The following NSD2 variants were observed in gnomAD, a reference collection of about 807,000 sequenced individuals.
The protein encoded by NSD2 is nuclear receptor binding SET domain protein 2, also known as histone-lysine N-methyltransferase NSD2.
A neutral mutation model predicts 139.0 loss-of-function variants in NSD2; 12 were observed. The ratio of observed to expected loss-of-function variants is 0.09; its 90% CI spans 0.06 to 0.14. The LOEUF (loss-of-function observed/expected upper bound fraction) is 0.14, where lower values mean the gene tolerates loss of function less well. Among genes scored for constraint, NSD2 ranks in the 10% least tolerant of loss-of-function variants. The pLI, the probability that NSD2 is intolerant of heterozygous loss-of-function variation, is 1.00. For missense variants in NSD2, 1,155 were observed against 1,745.0 expected, an observed-to-expected ratio of 0.66 and a Z score of 6.02; for synonymous variants, 669 against 648.7, an observed-to-expected ratio of 1.03 and a Z score of -0.48.
intron 3 of NSD2, among the ~76,000 whole-genome samples, chr4:1,911,374 G>A (rs1356582582): frequency 5.9e-5 from 9 of 152,000 alleles, no homozygotes; most frequent in Admixed American, 1.3e-4. Context: ...GGTGACTTGA[G>A]GTCAGGAGTT....
chr4:1,972,875 C>T lies in NSD2; in HGVS notation c.3373-1988C>T, dbSNP rs902639507. Among the ~76,000 whole-genome samples the T allele has an allele frequency of 5.3e-5, 8 of 151,964 alleles. No individual in the cohort carries two copies. The highest frequency in any genetic ancestry group is 2.1e-4 in the South Asian group (1 of 4,826). ...ACACATTTTTTTTTCTTTTTGGAGACGGAGTCTCACTCTGTCGCCTAGGCT... is the reference window on the plus strand; with the variant it reads ...ACACATTTTTTTTTCTTTTTGGAGATGGAGTCTCACTCTGTCGCCTAGGCT... On this transcript the variant is annotated intron_variant, in intron 18 of 21. Coordinates refer to ENST00000508803, the MANE Select transcript of NSD2 (RefSeq NM_001042424.3). The surrounding 1 kb of genome is among the most constrained non-coding windows in gnomAD (Gnocchi z 4.0).
rs1301424413 is a variant in NSD2, at chr4:1,948,280, T to C, written c.1882-2792T>C. The C allele has an allele frequency of 7.5e-6, 8 of 1,065,464 alleles. No homozygotes were observed. In the African/African-American group the frequency reaches 9.8e-5, roughly 13 times the overall value. 66.0% of individuals were successfully genotyped at this position (1,065,464 alleles called of 1,614,324 possible). On this transcript the variant is annotated intron_variant, in intron 9 of 21. Transcript: ENST00000508803. The surrounding 1 kb of genome is among the most constrained non-coding windows in gnomAD (Gnocchi z 4.5). ...GTCCGCTCAGTCCCTGCACTTTTCC[T>C]TTCCAAATGCATCTCGTTGGATATG...
chr4:1,916,583 C>G (rs1033453979), intron 3 of NSD2, among the ~76,000 whole-genome samples: 1 of 152,216 alleles, frequency 6.6e-6, no homozygotes, highest in African/African-American at 2.4e-5. Flanking sequence ...TGAGCTCAAT[C>G]TCCCTGCCTC....
intron 1 of NSD2, among the ~76,000 whole-genome samples, chr4:1,885,110 CA>C (rs962763111): frequency 1.0e-3 from 138 of 134,138 alleles, no homozygotes; most frequent in African/African-American, 2.0e-3. Context: ...AACTCTGTTT[CA>C]AAAAAAAAAA....
chr4:1,905,407 C>T (rs964520947), intron 3 of NSD2, among the ~76,000 whole-genome samples: 1 of 152,222 alleles, frequency 6.6e-6, no homozygotes, highest in Non-Finnish European at 1.5e-5. Context: ...TGCTCCAGTC[C>T]AATATTGCTG....
intron 7 of NSD2, among the ~76,000 whole-genome samples, chr4:1,937,421 G>C (rs1247443083): frequency 2.0e-5 from 3 of 152,116 alleles, no homozygotes; most frequent in Non-Finnish European, 2.9e-5. Flanking sequence ...TGAAATATTT[G>C]TGTAAATGTT....
chr4:1,871,640 C>T (rs1306219887), intron 1 of NSD2, 98 bp downstream of exon 1: 3 of 149,454 alleles, frequency 2.0e-5, no homozygotes, highest in African/African-American at 4.9e-5. Flanking sequence ...GCGGGGAGGA[C>T]CGCGGAGGCC....
intron 7 of NSD2, among the ~76,000 whole-genome samples, chr4:1,937,746 T>C (rs965915825): frequency 6.6e-6 from 1 of 151,960 alleles, no homozygotes; most frequent in Non-Finnish European, 1.5e-5. Context: ...TGAGATGGAG[T>C]ATGAGTGCAG....
chr4:1,955,309 C>T lies in NSD2; in HGVS notation c.2487C>T (p.Val829=). The T allele has an allele frequency of 6.2e-7, 1 of 1,613,644 alleles. No individual in the cohort carries two copies. Among genetic ancestry groups the T allele is most frequent in the Non-Finnish European group, 8.5e-7 (1 of 1,179,848 alleles). The change falls in exon 13 of 22, where the codon GTC becomes GTT. Residue 829 remains valine (V), a synonymous_variant. Transcript: ENST00000508803. This position sits in a 1 kb window ranked among gnomAD's most constrained non-coding sequence, Gnocchi z 4.7. ...AGGGGAAGCGACACCACGCCCACGT[C>T]AACGTGAGCTGGTGCTTCGTGTGCT... ...ARKGKRHHAH[V]NVSWCFVCSK...
intron 5 of NSD2, among the ~76,000 whole-genome samples, chr4:1,925,377 T>C (rs1577455772): frequency 6.8e-6 from 1 of 147,020 alleles, no homozygotes; most frequent in South Asian, 2.1e-4. Context: ...AGAGGTCATT[T>C]TCTTTTTCTT....
chr4:1,943,782 CTCTGGTTCAATAA>C, intron 9 of NSD2: 1 of 1,060,988 alleles, frequency 9.4e-7, no homozygotes, highest in Non-Finnish European at 1.1e-6. Flanking sequence ...ATAAAAATGG[CTCTGGTTCAATAA>C]GCAGTCACCC....
intron 1 of NSD2, among the ~76,000 whole-genome samples, chr4:1,872,658 A>C: frequency 7.9e-6 from 1 of 127,066 alleles, no homozygotes; most frequent in African/African-American, 2.8e-5. Flanking sequence ...TGTGAAGACA[A>C]GACTAATTGG....
intron 5 of NSD2, among the ~76,000 whole-genome samples, chr4:1,927,528 G>A (rs1721074987): frequency 6.6e-6 from 1 of 151,922 alleles, no homozygotes; most frequent in Non-Finnish European, 1.5e-5. Flanking sequence ...GACCAGCCTG[G>A]CCCACATGGT....
chr4:1,934,571 C>T (rs1306967470), intron 6 of NSD2, among the ~76,000 whole-genome samples: 2 of 150,126 alleles, frequency 1.3e-5, no homozygotes, highest in Non-Finnish European at 3.0e-5. Flanking sequence ...ATTATAAGGC[C>T]AGGCGCGGTG....
At position 1,953,517 on chromosome 4, in the gene NSD2, G is replaced by A. The variant is rs917950554; in HGVS notation, c.2331G>A (p.Pro777=). ...CTTCCAACCCTTCAAACCCAAGGCC[G>A]TCAAAAGGTACAGGTGCACCTGCGC... The part of the protein sequence containing the change: ...CHASNPSNPR[P]SKGKMMRCVR... The change falls in exon 12 of 22, where the codon CCG becomes CCA. Residue 777 remains proline, a synonymous_variant. Coordinates refer to ENST00000508803, the MANE Select transcript of NSD2 (RefSeq NM_001042424.3). 18 of 1,608,776 alleles carry A rather than the reference G, an allele frequency of 1.1e-5. No individual in the cohort carries two copies. The Middle Eastern group carries it at 5.0e-4, about 44-fold the overall frequency.
intron 5 of NSD2, among the ~76,000 whole-genome samples, chr4:1,920,756 G>A (rs1311838016): frequency 6.6e-6 from 1 of 151,730 alleles, no homozygotes; most frequent in South Asian, 2.1e-4. Context: ...AAGAAAGGCC[G>A]AGTGTGGCAG....
At chr4:1,896,316 A>T (rs547243985) in intron 1 of NSD2, among the ~76,000 whole-genome samples, 1 of 152,228 alleles carries the variant, frequency 6.6e-6, no homozygotes, top group Non-Finnish European at 1.5e-5. Flanking sequence ...CCTGCAGCCT[A>T]TGAGGCTCCA....
chr4:1,974,830 ACACTTGACCGAATATAT>A lies in NSD2; in HGVS notation c.3373-23_3373-7del. 6.2e-7 allele frequency: 1 copy of A among 1,612,016 alleles called. No individual in the cohort carries two copies. The highest frequency in any genetic ancestry group is 2.2e-5 in the East Asian group (1 of 44,810). ...CTTTAAAAATAACATGCGATTGCTAACACTTGACCGAATATATCACTTGACCTTACAGGACCGTATAA... is the reference window on the plus strand; with the variant it reads ...CTTTAAAAATAACATGCGATTGCTAACACTTGACCTTACAGGACCGTATAA... On this transcript the variant is annotated splice_polypyrimidine_tract_variant and intron_variant, in intron 18 of 21. Coordinates refer to ENST00000508803, the MANE Select transcript of NSD2 (RefSeq NM_001042424.3). This position sits in a 1 kb window ranked among gnomAD's most constrained non-coding sequence, Gnocchi z 4.0.
intron 1 of NSD2, among the ~76,000 whole-genome samples, chr4:1,898,658 T>TAAAA (rs967880779): frequency 2.3e-4 from 27 of 119,278 alleles, no homozygotes; most frequent in African/African-American, 7.2e-4. Context: ...AGACTCCGTC[T>TAAAA]AAAAAAAAAA....
Sources: allele counts gnomAD v4.1 joint callset (sites outside exome capture counted in the v4.1 genomes callset), GRCh38; gene constraint gnomAD v4.1.1; non-coding constraint Gnocchi (gnomAD v3.1); transcripts MANE v1.5; gene names NCBI Gene and HGNC (gene_info 2026-07-23, HGNC 2026-07-21).